The following TENM4 variants were observed in gnomAD, a reference collection of about 807,000 sequenced individuals.
TENM4 encodes teneurin transmembrane protein 4, also known as teneurin-4.
Under a neutral mutation model 243.3 loss-of-function variants are expected in TENM4, and 82 were observed. That is an observed-to-expected ratio of 0.34 (90% CI 0.28 to 0.40). The LOEUF (loss-of-function observed/expected upper bound fraction) is 0.40. TENM4 is among the 10% of genes least tolerant of loss of function. The pLI is 1.00. For synonymous variants in TENM4, 1,412 were observed against 1,456.3 expected (o/e 0.97, Z 0.69); for missense variants, 3,138 against 3,673.3 (o/e 0.85, Z 3.77).
intron 6 of TENM4, among the ~76,000 whole-genome samples, chr11:79,005,810 T>G (rs1272840128): frequency 6.6e-6 from 1 of 152,200 alleles, no homozygotes; most frequent in Non-Finnish European, 1.5e-5. Flanking sequence ...AAACTATCCT[T>G]GTTTTCAGAT....
chr11:79,347,063 T>C (rs1251746732), intron 1 of TENM4, among the ~76,000 whole-genome samples: 1 of 152,220 alleles, frequency 6.6e-6, no homozygotes, highest in Non-Finnish European at 1.5e-5. Context: ...TCACTAGGGA[T>C]GCATCTTACT....
At chr11:79,094,105 G>A (rs1861023125) in intron 4 of TENM4, among the ~76,000 whole-genome samples, 1 of 152,210 alleles carries the variant, frequency 6.6e-6, no homozygotes, top group Admixed American at 6.5e-5. Flanking sequence ...ACTGGACAGA[G>A]CTGGTTCAGA....
intron 4 of TENM4, among the ~76,000 whole-genome samples, chr11:79,073,261 GTCAGTCTGGCTCA>G (rs1860462253): frequency 1.3e-5 from 2 of 152,214 alleles, no homozygotes; most frequent in African/African-American, 4.8e-5. Context: ...GAAGGCTCTT[GTCAGTCTGGCTCA>G]CCTCGCTTCC....
At chr11:78,977,967 A>G (rs1482595670) in intron 6 of TENM4, among the ~76,000 whole-genome samples, 1 of 152,240 alleles carries the variant, frequency 6.6e-6, no homozygotes, top group African/African-American at 2.4e-5. Context: ...ATGCTCATCA[A>G]TGATAGACTG....
At chr11:79,253,555 C>A (rs943988018) in intron 2 of TENM4, among the ~76,000 whole-genome samples, 1 of 152,218 alleles carries the variant, frequency 6.6e-6, no homozygotes, top group African/African-American at 2.4e-5. Context: ...AGTCCCACAG[C>A]TGATCCGCGT....
At position 79,123,082 on chromosome 11, in the gene TENM4, T is replaced by C. The variant is rs563894115; in HGVS notation, c.-66+25628A>G. Among the ~76,000 whole-genome samples the C allele has an allele frequency of 2.6e-5, 4 of 152,196 alleles. No homozygotes were observed. The South Asian group carries it at 8.3e-4, about 32-fold the overall frequency. ...ATTTGCAGAGTGCCTCACTCAGGAATATGAGAATCTTCAGTCTGCTGGGAA... is the reference window on the plus strand; with the variant it reads ...ATTTGCAGAGTGCCTCACTCAGGAACATGAGAATCTTCAGTCTGCTGGGAA... On this transcript the variant is annotated intron_variant, in intron 4 of 33. Transcript: ENST00000278550.
chr11:79,410,045 A>G (rs1858665334), intron 1 of TENM4, among the ~76,000 whole-genome samples: 2 of 151,052 alleles, frequency 1.3e-5, no homozygotes, highest in Admixed American at 1.3e-4. Flanking sequence ...GATGATCTAG[A>G]AAAAAAATAG....
At chr11:78,736,762 G>A (rs1242339654) in intron 20 of TENM4, among the ~76,000 whole-genome samples, 5 of 152,196 alleles carry the variant, frequency 3.3e-5, no homozygotes, top group Non-Finnish European at 7.3e-5. Flanking sequence ...CATACATTAT[G>A]CAGTGGCTGA....
chr11:79,182,550 C>T (rs1259125393), intron 3 of TENM4, among the ~76,000 whole-genome samples: 1 of 152,058 alleles, frequency 6.6e-6, no homozygotes, highest in Non-Finnish European at 1.5e-5. Context: ...AAGCACAATT[C>T]TTGAAAGAAA....
intron 6 of TENM4, among the ~76,000 whole-genome samples, chr11:78,989,508 C>T (rs1460463251): frequency 6.6e-6 from 1 of 152,210 alleles, no homozygotes; most frequent in African/African-American, 2.4e-5. Context: ...TTTTCTTCTG[C>T]TTCATCTTCT....
chr11:79,028,381 C>T lies in TENM4; in HGVS notation c.493+36357G>A, dbSNP rs557417742. ...ATTTGCTGGCAGGAGGCTTCTTGCT[C>T]TCATGAGCAACCCCTGTAAGGGAGG... On this transcript the variant is annotated intron_variant, in intron 6 of 33. Coordinates refer to ENST00000278550, the MANE Select transcript of TENM4 (RefSeq NM_001098816.3). Among the ~76,000 whole-genome samples the T allele has an allele frequency of 9.2e-5, 14 of 152,320 alleles. No individual in the cohort carries two copies. In the South Asian group the frequency reaches 2.9e-3, roughly 32 times the overall value.
chr11:79,175,999 G>A (rs1863151620), intron 3 of TENM4, among the ~76,000 whole-genome samples: 1 of 152,116 alleles, frequency 6.6e-6, no homozygotes, highest in Non-Finnish European at 1.5e-5. Context: ...GGAAGAGGTG[G>A]GAGGATCACC....
chr11:79,012,903 T>C (rs1201837946), intron 6 of TENM4, among the ~76,000 whole-genome samples: 3 of 152,136 alleles, frequency 2.0e-5, no homozygotes, highest in Non-Finnish European at 2.9e-5. Context: ...AAAAGTAGCC[T>C]TCACCCTTGA....
chr11:78,962,569 C>T (rs1188746581), intron 6 of TENM4, among the ~76,000 whole-genome samples: 2 of 152,056 alleles, frequency 1.3e-5, no homozygotes, highest in Non-Finnish European at 2.9e-5. Flanking sequence ...GGCCTCAGTG[C>T]AGGCTGGCAA....
intron 12 of TENM4, among the ~76,000 whole-genome samples, chr11:78,846,848 T>C (rs1858406016): frequency 6.6e-6 from 1 of 152,232 alleles, no homozygotes. Context: ...GACACTGCTA[T>C]GTGCCTACCC....
chr11:79,012,766 C>A (rs1461226034), intron 6 of TENM4, among the ~76,000 whole-genome samples: 1 of 152,184 alleles, frequency 6.6e-6, no homozygotes, highest in East Asian at 1.9e-4. Context: ...CAGACACTGA[C>A]CTGGGGCTGA....
chr11:78,933,314 G>T (rs925850272), intron 6 of TENM4, among the ~76,000 whole-genome samples: 1 of 152,156 alleles, frequency 6.6e-6, no homozygotes, highest in African/African-American at 2.4e-5. Context: ...CACCCAGCTG[G>T]GGCTCAGGAA....
At chr11:79,107,602 G>A (rs1159490968) in intron 4 of TENM4, among the ~76,000 whole-genome samples, 1 of 152,176 alleles carries the variant, frequency 6.6e-6, no homozygotes, top group Non-Finnish European at 1.5e-5. Context: ...TGTCCATGAT[G>A]AGAATGGCTA....
intron 1 of TENM4, among the ~76,000 whole-genome samples, chr11:79,305,229 T>A (rs1856607132): frequency 6.6e-6 from 1 of 152,216 alleles, no homozygotes; most frequent in Non-Finnish European, 1.5e-5. Context: ...ACTTAACTCC[T>A]CTGAGCATCA....
Sources: gnomAD v4.1 joint callset for allele counts (sites outside exome capture counted in the v4.1 genomes callset) on GRCh38, gnomAD v4.1.1 for gene constraint, MANE v1.5 for transcripts, NCBI Gene and HGNC (gene_info 2026-07-23, HGNC 2026-07-21) for gene names.